The following COL4A2 variants were observed in gnomAD, a reference collection of about 807,000 sequenced individuals.
COL4A2 encodes the protein collagen type IV alpha 2 chain.
In COL4A2, 99 loss-of-function variants were observed where a neutral mutation model predicts 200.2. The observed-to-expected ratio is 0.49, with a 90% CI of 0.42 to 0.58. COL4A2 has a LOEUF of 0.58. Among genes scored for constraint, COL4A2 ranks in the 20% least tolerant of loss-of-function variants. The pLI is 0.00. For missense variants in COL4A2, 1,950 were observed against 2,314.1 expected (o/e 0.84, Z 3.23); for synonymous variants, 897 against 900.6 (o/e 1.00, Z 0.07).
intron 3 of COL4A2, among the ~76,000 whole-genome samples, chr13:110,330,882 A>C (rs1300429281): frequency 6.6e-6 from 1 of 152,020 alleles, no homozygotes; most frequent in East Asian, 1.9e-4. Flanking sequence ...TTCCTCTCTA[A>C]ATGGTTTGGT....
intron 6 of COL4A2, among the ~76,000 whole-genome samples, chr13:110,427,214 A>G (rs1474618281): frequency 6.6e-6 from 1 of 152,112 alleles, no homozygotes; most frequent in African/African-American, 2.4e-5. Flanking sequence ...CAGTGGTGCG[A>G]TCTTAGCTCA....
In COL4A2 at chr13:110,511,961, GGCCAA is replaced by G; in HGVS notation, c.4910_4914del (p.Gly1637ValfsTer106). The G allele has an allele frequency of 6.2e-7, 1 of 1,613,546 alleles. No homozygotes were observed. Among genetic ancestry groups the G allele is most frequent in the Non-Finnish European group, 8.5e-7 (1 of 1,180,042 alleles). On this transcript the variant is annotated frameshift_variant, in exon 48 of 48. Transcript: ENST00000360467. LOFTEE classifies it high-confidence loss of function. ...CACGGCGGCGGGAGACGAAGGCGGT[GGCCAA>G]TCACTGGTGTCACCGGGCAGCTGTC...
At chr13:110,361,560 T>C (rs1566493387) in intron 4 of COL4A2, among the ~76,000 whole-genome samples, 1 of 152,198 alleles carries the variant, frequency 6.6e-6, no homozygotes, top group Non-Finnish European at 1.5e-5. Flanking sequence ...ACATCGGAAG[T>C]TGTACGTCAC....
intron 3 of COL4A2, among the ~76,000 whole-genome samples, chr13:110,327,063 C>T (rs1361867662): frequency 1.3e-5 from 2 of 148,758 alleles, no homozygotes; most frequent in Admixed American, 6.6e-5. Flanking sequence ...CAGCAGACAC[C>T]GCTCCCACCC....
chr13:110,341,094 A>G (rs1220740347), intron 3 of COL4A2: 1 of 152,318 alleles, frequency 6.6e-6, no homozygotes, highest in African/African-American at 2.4e-5. Flanking sequence ...CTGAATCACG[A>G]CAGAGAAGGG....
intron 20 of COL4A2, among the ~76,000 whole-genome samples, chr13:110,451,199 C>T (rs915712820): frequency 6.6e-6 from 1 of 152,176 alleles, no homozygotes; most frequent in Admixed American, 6.5e-5. Flanking sequence ...TGCAGTCCCG[C>T]CTGGAGCTTG....
intron 26 of COL4A2, among the ~76,000 whole-genome samples, chr13:110,466,293 C>T (rs1408977829): frequency 1.3e-5 from 2 of 152,174 alleles, no homozygotes; most frequent in Admixed American, 1.3e-4. Flanking sequence ...AATCCTTTTT[C>T]ACTGGAAAGC....
chr13:110,350,664 A>G (rs1474253928), intron 3 of COL4A2, among the ~76,000 whole-genome samples: 5 of 152,208 alleles, frequency 3.3e-5, no homozygotes, highest in East Asian at 1.9e-4. Flanking sequence ...TGTTTTCACA[A>G]TGCCCATCCG....
chr13:110,456,910 G>C (rs762942559), intron 20 of COL4A2: 9 of 474,822 alleles, frequency 1.9e-5, no homozygotes, highest in Middle Eastern at 5.2e-4. Flanking sequence ...GTGCGTCTGC[G>C]TGGGACCCCA....
intron 20 of COL4A2, among the ~76,000 whole-genome samples, chr13:110,452,366 G>T (rs1019489277): frequency 8.5e-5 from 13 of 152,206 alleles, no homozygotes; most frequent in Non-Finnish European, 1.5e-5. Context: ...GTTTCACCAT[G>T]TTATCCAGGA....
chr13:110,308,013 G>T, intron 2 of COL4A2, 56 bp from the exon 3 acceptor site: 1 of 1,611,200 alleles, frequency 6.2e-7, no homozygotes, highest in South Asian at 1.1e-5. Flanking sequence ...TAACTCTCGG[G>T]GACTGACAAG....
chr13:110,333,385 C>G (rs1876018433), intron 3 of COL4A2, among the ~76,000 whole-genome samples: 1 of 152,234 alleles, frequency 6.6e-6, no homozygotes, highest in African/African-American at 2.4e-5. Flanking sequence ...ATCCAGCCTA[C>G]TTCGTCCAAG....
At chr13:110,358,816 C>T (rs907280131) in intron 4 of COL4A2, among the ~76,000 whole-genome samples, 1 of 152,174 alleles carries the variant, frequency 6.6e-6, no homozygotes, top group South Asian at 2.1e-4. Context: ...TCCACTAGAA[C>T]AAACAATAAT....
At chr13:110,474,890 G>T (rs1366758940) in intron 29 of COL4A2, among the ~76,000 whole-genome samples, 1 of 86,230 alleles carries the variant, frequency 1.2e-5, no homozygotes, top group Non-Finnish European at 2.4e-5. Context: ...ACCCACACAC[G>T]TGCCTATGCA....
intron 22 of COL4A2, 117 bp downstream of exon 22, chr13:110,459,051 C>T: frequency 9.7e-7 from 1 of 1,035,536 alleles, no homozygotes. Flanking sequence ...ACTCATGGAC[C>T]CAAGGCATGG....
intron 25 of COL4A2, 99 bp downstream of exon 25, chr13:110,465,705 C>T (rs1431281279): frequency 2.6e-6 from 3 of 1,132,586 alleles, no homozygotes; most frequent in Admixed American, 2.7e-5. Flanking sequence ...GATGAGGATG[C>T]TGTTTTGCCT....
chr13:110,319,540 A>G (rs1424841377), intron 3 of COL4A2, among the ~76,000 whole-genome samples: 1 of 152,160 alleles, frequency 6.6e-6, no homozygotes, highest in African/African-American at 2.4e-5. Context: ...CAGCGCAACT[A>G]CTTCTCAGAT....
At chr13:110,411,590 G>A (rs1249733021) in intron 4 of COL4A2, among the ~76,000 whole-genome samples, 21 of 152,206 alleles carry the variant, frequency 1.4e-4, no homozygotes, top group Non-Finnish European at 4.4e-5. Context: ...TAGGGTTAAA[G>A]CAGAGAAGCC....
intron 41 of COL4A2, 85 bp downstream of exon 41, chr13:110,501,869 C>T (rs1157947191): frequency 6.8e-6 from 9 of 1,323,648 alleles, no homozygotes; most frequent in East Asian, 2.3e-5. Flanking sequence ...GGAGAACAGA[C>T]GTTCATTTCC....
Sources: allele counts gnomAD v4.1 joint callset (sites outside exome capture counted in the v4.1 genomes callset), GRCh38; gene constraint gnomAD v4.1.1; transcripts MANE v1.5; gene names NCBI Gene and HGNC (gene_info 2026-07-23, HGNC 2026-07-21).